The following DSCAML1 variants were observed in gnomAD, a reference collection of about 807,000 sequenced individuals.
DSCAML1 encodes cell adhesion molecule DSCAML1.
In DSCAML1, 38 loss-of-function variants were observed where a neutral mutation model predicts 200.5. The observed-to-expected ratio is 0.19, with a 90% CI of 0.15 to 0.25. The LOEUF (loss-of-function observed/expected upper bound fraction) is 0.25. Among genes scored for constraint, DSCAML1 ranks in the 10% least tolerant of loss-of-function variants. The pLI is 1.00. For missense variants in DSCAML1, 2,223 were observed against 2,858.8 expected, an observed-to-expected ratio of 0.78 and a Z score of 5.07; for synonymous variants, 1,215 against 1,165.0, an observed-to-expected ratio of 1.04 and a Z score of -0.87.
At chr11:117,760,518 T>C (rs2054779641) in intron 3 of DSCAML1, among the ~76,000 whole-genome samples, 1 of 152,234 alleles carries the variant, frequency 6.6e-6, no homozygotes, top group South Asian at 2.1e-4. Flanking sequence ...TTCTCTTCAA[T>C]CGACACGTCC....
At chr11:117,796,535 G>A (rs1429654320) in intron 1 of DSCAML1, among the ~76,000 whole-genome samples, 1 of 152,226 alleles carries the variant, frequency 6.6e-6, no homozygotes, top group Non-Finnish European at 1.5e-5. Flanking sequence ...CATGCGGTGC[G>A]CCAACATTCG....
At chr11:117,629,824 C>T (rs1380967450) in intron 3 of DSCAML1, among the ~76,000 whole-genome samples, 1 of 152,088 alleles carries the variant, frequency 6.6e-6, no homozygotes, top group Admixed American at 6.5e-5. Context: ...GATCAAGACC[C>T]CATCGCTACA....
chr11:117,644,869 G>A (rs1003411182), intron 3 of DSCAML1, among the ~76,000 whole-genome samples: 5 of 152,216 alleles, frequency 3.3e-5, no homozygotes, highest in Admixed American at 2.0e-4. Flanking sequence ...GACTGAACCC[G>A]CCGGGGCAGC....
chr11:117,750,843 C>T (rs1292733772), intron 3 of DSCAML1, among the ~76,000 whole-genome samples: 1 of 152,224 alleles, frequency 6.6e-6, no homozygotes, highest in Non-Finnish European at 1.5e-5. Flanking sequence ...CCAGCCCCAG[C>T]CCCAGCCCCT....
chr11:117,513,167 CG>C (rs2049679556), intron 8 of DSCAML1, among the ~76,000 whole-genome samples: 1 of 152,096 alleles, frequency 6.6e-6, no homozygotes, highest in Non-Finnish European at 1.5e-5. Context: ...CGGCCCGGCC[CG>C]TGATGCTGCT....
At chr11:117,694,728 G>A (rs1263177331) in intron 3 of DSCAML1, among the ~76,000 whole-genome samples, 1 of 152,218 alleles carries the variant, frequency 6.6e-6, no homozygotes, top group Non-Finnish European at 1.5e-5. Flanking sequence ...GAGAACCCAG[G>A]GGAAGGAGCC....
In DSCAML1 at chr11:117,433,480, CAGT is replaced by C; in HGVS notation, c.4877-12_4877-10del. 1 of 1,611,990 alleles carries C rather than the reference CAGT, an allele frequency of 6.2e-7. No individual in the cohort carries two copies. The highest frequency in any genetic ancestry group is 8.5e-7 in the Non-Finnish European group (1 of 1,179,414). On this transcript the variant is annotated splice_polypyrimidine_tract_variant and intron_variant, in intron 27 of 32. Coordinates refer to ENST00000651296, the MANE Select transcript of DSCAML1 (RefSeq NM_020693.4). ...TGCCAAACTCTTTGCATCTGCAAAA[CAGT>C]AGAGGGAGAGGAGGGCTGGGTGAGA...
chr11:117,594,456 G>T (rs774721575), intron 3 of DSCAML1, among the ~76,000 whole-genome samples: 10 of 152,174 alleles, frequency 6.6e-5, no homozygotes, highest in Admixed American at 1.3e-4. Flanking sequence ...CATCAGATCC[G>T]CTGATGCTCT....
At chr11:117,677,941 C>G (rs577590453) in intron 3 of DSCAML1, among the ~76,000 whole-genome samples, 5 of 152,302 alleles carry the variant, frequency 3.3e-5, no homozygotes, top group Admixed American at 3.3e-4. Context: ...ACTCCACTCA[C>G]GAGGACTGCC....
At chr11:117,590,123 A>G (rs2051228412) in intron 3 of DSCAML1, among the ~76,000 whole-genome samples, 1 of 152,182 alleles carries the variant, frequency 6.6e-6, no homozygotes, top group Non-Finnish European at 1.5e-5. Context: ...ACCTGCAGCA[A>G]TGATATCCAT....
intron 3 of DSCAML1, among the ~76,000 whole-genome samples, chr11:117,632,534 A>G (rs1372777691): frequency 1.3e-5 from 2 of 152,192 alleles, no homozygotes; most frequent in African/African-American, 2.4e-5. Context: ...CAGGCCATAA[A>G]AGGGATTGCT....
At chr11:117,604,153 C>T (rs970885718) in intron 3 of DSCAML1, among the ~76,000 whole-genome samples, 1 of 152,192 alleles carries the variant, frequency 6.6e-6, no homozygotes, top group Non-Finnish European at 1.5e-5. Flanking sequence ...TCTCATTCAT[C>T]TTCATGAGCC....
At chr11:117,564,166 G>A (rs532536027) in intron 3 of DSCAML1, among the ~76,000 whole-genome samples, 1 of 152,308 alleles carries the variant, frequency 6.6e-6, no homozygotes, top group East Asian at 1.9e-4. Context: ...GTGTAAGCTT[G>A]GTTTAAAGCT....
intron 16 of DSCAML1, among the ~76,000 whole-genome samples, chr11:117,468,738 G>A (rs2048631017): frequency 6.6e-6 from 1 of 152,204 alleles, no homozygotes; most frequent in African/African-American, 2.4e-5. Flanking sequence ...GCCTCTGGGA[G>A]GGAAGGAACC....
At chr11:117,589,218 C>T (rs538584274) in intron 3 of DSCAML1, among the ~76,000 whole-genome samples, 13 of 152,308 alleles carry the variant, frequency 8.5e-5, no homozygotes, top group African/African-American at 1.2e-4. Context: ...AAAATGCAAG[C>T]GACCGGAGCG....
intron 3 of DSCAML1, among the ~76,000 whole-genome samples, chr11:117,752,962 G>A (rs1186142146): frequency 1.3e-5 from 2 of 152,168 alleles, no homozygotes; most frequent in Non-Finnish European, 2.9e-5. Flanking sequence ...GCTGTCCCAG[G>A]GGAGCTGTGG....
intron 3 of DSCAML1, among the ~76,000 whole-genome samples, chr11:117,683,015 C>T (rs2137698241): frequency 6.6e-6 from 1 of 152,346 alleles, no homozygotes; most frequent in Admixed American, 6.5e-5. Flanking sequence ...GAGGACTTGC[C>T]CCTTTCCTGG....
chr11:117,524,932 G>A lies in DSCAML1; in HGVS notation c.810C>T (p.Ser270=), dbSNP rs2049948708. ...LKDGRPLPAD[S]RWTKRITGLT... is the part of the protein sequence containing the mutation. Reference sequence around the variant, plus strand: ...GCCCTGTGATGCGCTTGGTCCAGCGGCTGTCAGCCGGGAGGGGCCGGCCAT... The same window carrying A: ...GCCCTGTGATGCGCTTGGTCCAGCGACTGTCAGCCGGGAGGGGCCGGCCAT... Residue 270 remains serine (S), a synonymous_variant, in exon 5 of 33, where the codon AGC becomes AGT. Coordinates refer to ENST00000651296, the MANE Select transcript of DSCAML1 (RefSeq NM_020693.4). 2 of 1,613,674 alleles carry A rather than the reference G, an allele frequency of 1.2e-6. No homozygotes were observed. The highest frequency in any genetic ancestry group is 1.7e-6 in the Non-Finnish European group (2 of 1,179,882).
chr11:117,558,607 A>G (rs1332285708), intron 3 of DSCAML1, among the ~76,000 whole-genome samples: 4 of 152,236 alleles, frequency 2.6e-5, no homozygotes, highest in African/African-American at 9.6e-5. Flanking sequence ...CTCTATGTGT[A>G]GCAGGACGAG....
Sources: allele counts gnomAD v4.1 joint callset (sites outside exome capture counted in the v4.1 genomes callset), GRCh38; gene constraint gnomAD v4.1.1; transcripts MANE v1.5; gene names NCBI Gene and HGNC (gene_info 2026-07-23, HGNC 2026-07-21).